Variants in GLRX5 observed in about 807,000 individuals in gnomAD.
The protein encoded by GLRX5 is glutaredoxin-related protein 5, mitochondrial.
In GLRX5, 10 loss-of-function variants were observed where a neutral mutation model predicts 13.8. That is an observed-to-expected ratio of 0.72 (90% confidence interval 0.45 to 1.23). The LOEUF is 1.23. GLRX5 is among the 50% of genes most tolerant of loss of function. GLRX5 has a pLI of 0.00. For missense variants in GLRX5, 233 were observed against 215.2 expected (o/e 1.08, Z -0.52); for synonymous variants, 98 against 101.1 (o/e 0.97, Z 0.18).
At chr14:95,539,259 G>C (rs1891432885) in intron 1 of GLRX5, among the ~76,000 whole-genome samples, 1 of 152,208 alleles carries the variant, frequency 6.6e-6, no homozygotes, top group Non-Finnish European at 1.5e-5. Flanking sequence ...AAAGGTTGGG[G>C]ACCTCTGTGT....
chr14:95,542,989 T>C (rs1484803410), intron 1 of GLRX5: 1 of 451,276 alleles, frequency 2.2e-6, no homozygotes, highest in African/African-American at 2.0e-5. Context: ...TCCTTGTGGC[T>C]CAGAATTGAA....
At chr14:95,540,355 G>A (rs1001098753) in intron 1 of GLRX5, among the ~76,000 whole-genome samples, 1 of 152,124 alleles carries the variant, frequency 6.6e-6, no homozygotes, top group Admixed American at 6.6e-5. Flanking sequence ...TACTATGCTG[G>A]GAGCTCAATT....
chr14:95,535,099 T>A lies in GLRX5; in HGVS notation c.10T>A (p.Ser4Thr). 2.3e-6 allele frequency: 3 copies of A among 1,316,376 alleles called. No individual in the cohort carries two copies. Among genetic ancestry groups the A allele is most frequent in the Non-Finnish European group, 2.0e-6 (2 of 1,020,020 alleles). 81.5% of individuals were successfully genotyped at this position (1,316,376 alleles called of 1,614,324 possible). A position where few individuals can be genotyped will look rare whatever the true frequency, so the allele number is the denominator to read the frequency against. Residue 4 changes from serine (S) to threonine (T), a missense_variant, in exon 1 of 2, where the codon TCC becomes ACC. Transcript: ENST00000331334. ...CGGCTTGCGTGCGGAGATGAGCGGGTCCCTCGGCCGAGCTGCGGCGGCTCT... is the reference window on the plus strand; with the variant it reads ...CGGCTTGCGTGCGGAGATGAGCGGGACCCTCGGCCGAGCTGCGGCGGCTCT... MSG[S>T]LGRAAAALLR...
chr14:95,535,085 C>T lies in GLRX5; in HGVS notation c.-5C>T. The T allele has an allele frequency of 1.5e-6, 2 of 1,331,888 alleles. No individual in the cohort carries two copies. The highest frequency in any genetic ancestry group is 9.7e-7 in the Non-Finnish European group (1 of 1,028,970). The allele number at this position is 1,331,888 out of a possible 1,614,324, so 82.5% of individuals were successfully genotyped here. A position where few individuals can be genotyped will look rare whatever the true frequency, so the allele number is the denominator to read the frequency against. The stretch of plus-strand genomic sequence containing the variant: ...GCCGTCGTGGGCTCCGGCTTGCGTG[C>T]GGAGATGAGCGGGTCCCTCGGCCGA... On this transcript the variant is annotated 5_prime_UTR_variant, in exon 1 of 2. Transcript: ENST00000331334.
chr14:95,544,232 T>G lies in GLRX5; in HGVS notation c.*107T>G. 2.4e-6 allele frequency: 2 copies of G among 835,738 alleles called. No homozygotes were observed. The highest frequency in any genetic ancestry group is 4.0e-6 in the Non-Finnish European group (2 of 499,458). The allele number at this position is 835,738 out of a possible 1,614,324, so 51.8% of individuals were successfully genotyped here. On this transcript the variant is annotated 3_prime_UTR_variant, in exon 2 of 2. Coordinates refer to ENST00000331334, the MANE Select transcript of GLRX5 (RefSeq NM_016417.3). ...TTTCACTATTGAGACCGCAACTGCT[T>G]GCACTGATCATTTTGGTTCGTGAGC...
At chr14:95,537,868 C>T (rs901958786) in intron 1 of GLRX5, among the ~76,000 whole-genome samples, 4 of 152,236 alleles carry the variant, frequency 2.6e-5, no homozygotes, top group Non-Finnish European at 5.9e-5. Context: ...TGTGTTCTGG[C>T]CTTCTCAAGA....
intron 1 of GLRX5, among the ~76,000 whole-genome samples, chr14:95,535,786 C>G (rs1334409730): frequency 6.6e-6 from 1 of 152,124 alleles, no homozygotes; most frequent in East Asian, 1.9e-4. Context: ...TAGGTACTTT[C>G]GCGGACACTT....
intron 1 of GLRX5, among the ~76,000 whole-genome samples, chr14:95,536,159 CA>C (rs775557825): frequency 6.6e-6 from 1 of 152,186 alleles, no homozygotes; most frequent in Non-Finnish European, 1.5e-5. Flanking sequence ...CCCAGGGGGC[CA>C]GGGCACCAGG....
intron 1 of GLRX5, among the ~76,000 whole-genome samples, chr14:95,538,182 A>G (rs956982024): frequency 2.0e-5 from 3 of 152,104 alleles, no homozygotes; most frequent in African/African-American, 4.8e-5. Context: ...GTCTTATGCC[A>G]CTGCCTGTGG....
intron 1 of GLRX5, among the ~76,000 whole-genome samples, chr14:95,540,648 A>G (rs1476162328): frequency 3.3e-5 from 5 of 152,208 alleles, no homozygotes; most frequent in African/African-American, 9.7e-5. Context: ...ATATGAAGAA[A>G]TTGTGACTCT....
At chr14:95,535,442 C>A in intron 1 of GLRX5, 58 bp downstream of exon 1, 1 of 1,471,068 alleles carries the variant, frequency 6.8e-7, no homozygotes, top group Non-Finnish European at 9.2e-7. Flanking sequence ...CATCGCTGCA[C>A]GAGGCCGAGG....
chr14:95,538,562 G>A (rs1183295532), intron 1 of GLRX5, among the ~76,000 whole-genome samples: 2 of 152,196 alleles, frequency 1.3e-5, no homozygotes, highest in East Asian at 1.9e-4. Context: ...TGCTGCAGAT[G>A]GGAGTATAAA....
At chr14:95,540,900 C>G (rs985821285) in intron 1 of GLRX5, among the ~76,000 whole-genome samples, 1 of 152,134 alleles carries the variant, frequency 6.6e-6, no homozygotes, top group East Asian at 1.9e-4. Flanking sequence ...TTTAAAGTAT[C>G]ATTTCTGTAC....
At position 95,535,230 on chromosome 14, in the gene GLRX5, G is replaced by T. The variant is rs1273292147; in HGVS notation, c.141G>T (p.Ala47=). 5 of 1,557,598 alleles carry T rather than the reference G, an allele frequency of 3.2e-6. No individual in the cohort carries two copies. In the East Asian group the frequency reaches 7.2e-5, roughly 22 times the overall value. The change falls in exon 1 of 2, where the codon GCG becomes GCT. Residue 47 remains alanine, a synonymous_variant. Transcript: ENST00000331334. ...GGGGSAEQLD[A]LVKKDKVVVF... ...GCGGCTCGGCGGAGCAGTTGGACGC[G>T]CTGGTGAAGAAGGACAAGGTGGTGG...
Position 95,535,340 on chromosome 14 carries a change from A to G in GLRX5, c.251A>G (p.Asp84Gly), listed in dbSNP as rs375487410. The G allele has an allele frequency of 7.1e-6, 11 of 1,553,842 alleles. No individual in the cohort carries two copies. Among genetic ancestry groups the G allele is most frequent in the Middle Eastern group, 1.7e-4 (1 of 5,904 alleles). The change falls in exon 1 of 2, where the codon GAT (aspartate) becomes GGT (glycine). Residue 84 changes from aspartate (D) to glycine (G), a missense_variant. Asp to Gly is a moderately conservative substitution (Grantham distance 94, BLOSUM62 -1). Transcript: ENST00000331334. ...ATCCTGCGGCTGCACGGCGTCCGCG[A>G]TTACGCGGCCTACAACGTGCTGGAC... ...VQILRLHGVR[D>G]YAAYNVLDDP...
At chr14:95,543,044 C>T (rs1891496995) in intron 1 of GLRX5, 1 of 455,968 alleles carries the variant, frequency 2.2e-6, no homozygotes, top group African/African-American at 2.0e-5. Flanking sequence ...TCCCTCATCT[C>T]ATGTGTGTCC....
chr14:95,535,280 A>C lies in GLRX5; in HGVS notation c.191A>C (p.Gln64Pro). 3 of 1,569,162 alleles carry C rather than the reference A, an allele frequency of 1.9e-6. No individual in the cohort carries two copies. The highest frequency in any genetic ancestry group is 1.7e-6 in the Non-Finnish European group (2 of 1,158,366). ...GTCTTCCTCAAGGGGACGCCGGAGCAGCCCCAGTGCGGCTTCAGCAACGCC... is the reference window on the plus strand; with the variant it reads ...GTCTTCCTCAAGGGGACGCCGGAGCCGCCCCAGTGCGGCTTCAGCAACGCC... ...VVVFLKGTPE[Q>P]PQCGFSNAVV... is the part of the protein sequence containing the mutation. The change falls in exon 1 of 2, where the codon CAG (glutamine) becomes CCG (proline). Residue 64 changes from glutamine to proline, a missense_variant. Gln to Pro is a moderately conservative substitution (Grantham distance 76). Coordinates refer to ENST00000331334, the MANE Select transcript of GLRX5 (RefSeq NM_016417.3).
At chr14:95,537,597 A>T (rs949744887) in intron 1 of GLRX5, among the ~76,000 whole-genome samples, 1 of 152,240 alleles carries the variant, frequency 6.6e-6, no homozygotes, top group African/African-American at 2.4e-5. Context: ...AAGAGCAACT[A>T]ACGGGCTGTC....
rs986877955 is a variant in GLRX5, at chr14:95,544,559, G to A, written c.*434G>A. On this transcript the variant is annotated 3_prime_UTR_variant, in exon 2 of 2. Transcript: ENST00000331334. ...AAAAAGAAACTGTGATAACTGGGGC[G>A]TTGTTTTTTAAAATAAACTCCAGCA... 14 of 205,142 alleles carry A rather than the reference G, an allele frequency of 6.8e-5. No homozygotes were observed. The highest frequency in any genetic ancestry group is 1.0e-4 in the Non-Finnish European group (10 of 99,390). The allele number at this position is 205,142 out of a possible 1,614,324, so 12.7% of individuals were successfully genotyped here. A position where few individuals can be genotyped will look rare whatever the true frequency, so the allele number is the denominator to read the frequency against.
Sources: allele counts gnomAD v4.1 joint callset (sites outside exome capture counted in the v4.1 genomes callset), GRCh38; gene constraint gnomAD v4.1.1; transcripts MANE v1.5; gene names NCBI Gene and HGNC (gene_info 2026-07-23, HGNC 2026-07-21).